Variants in AFF3 observed in about 807,000 individuals in gnomAD.
AFF3 encodes the protein AF4/FMR2 family member 3.
Under a neutral mutation model 129.7 loss-of-function variants are expected in AFF3, and 32 were observed. The observed-to-expected ratio is 0.25, with a 90% CI of 0.19 to 0.33. AFF3 has a LOEUF of 0.33. AFF3 is among the 10% of genes least tolerant of loss of function. The pLI is 1.00. For synonymous variants in AFF3, 644 were observed against 635.4 expected (o/e 1.01, Z -0.20); for missense variants, 1,373 against 1,592.0 (o/e 0.86, Z 2.34).
rs975931893 is a variant in AFF3 at position 99,597,638 on chromosome 2, C to T, written c.1372-3349G>A. Among the ~76,000 whole-genome samples, 4 of 152,182 alleles carry T rather than the reference C, an allele frequency of 2.6e-5. No individual in the cohort carries two copies. In the South Asian group the frequency reaches 8.3e-4, roughly 31 times the overall value. ...GGTTAGGCAGAGCATGATTATCTGC[C>T]ATTCTGGAAATGAGGCAATTGTGGC... is the stretch of plus-strand genomic sequence containing the variant. On this transcript the variant is annotated intron_variant, in intron 14 of 24. Transcript: ENST00000672756.
intron 7 of AFF3, among the ~76,000 whole-genome samples, chr2:99,939,506 C>T (rs1674831178): frequency 6.6e-6 from 1 of 152,166 alleles, no homozygotes; most frequent in Non-Finnish European, 1.5e-5. Flanking sequence ...AGCTCCTCTC[C>T]TACAGAAGAG....
chr2:99,897,847 GA>G (rs994842190), intron 7 of AFF3, among the ~76,000 whole-genome samples: 2 of 152,156 alleles, frequency 1.3e-5, no homozygotes, highest in East Asian at 1.9e-4. Flanking sequence ...ATACGTAGTT[GA>G]AAAAAAGATG....
chr2:99,775,548 C>T (rs1683828945), intron 8 of AFF3, among the ~76,000 whole-genome samples: 1 of 151,984 alleles, frequency 6.6e-6, no homozygotes, highest in Non-Finnish European at 1.5e-5. Context: ...CACAGTGGGG[C>T]CTGTCAGAGG....
intron 12 of AFF3, among the ~76,000 whole-genome samples, chr2:99,668,332 C>A (rs1686861662): frequency 6.6e-6 from 1 of 151,840 alleles, no homozygotes; most frequent in Non-Finnish European, 1.5e-5. Context: ...CCACTATGCC[C>A]AACTAATTTT....
intron 7 of AFF3, among the ~76,000 whole-genome samples, chr2:99,848,815 T>C (rs1264540777): frequency 6.6e-6 from 1 of 152,214 alleles, no homozygotes; most frequent in Non-Finnish European, 1.5e-5. Flanking sequence ...CTCTCCAACA[T>C]AATCACGCTA....
At chr2:99,748,652 T>C (rs916811057) in intron 9 of AFF3, among the ~76,000 whole-genome samples, 2 of 152,228 alleles carry the variant, frequency 1.3e-5, no homozygotes, top group Non-Finnish European at 2.9e-5. Flanking sequence ...TACCCTGTGC[T>C]TTGAAACCTT....
intron 8 of AFF3, among the ~76,000 whole-genome samples, chr2:99,827,846 C>T (rs949485967): frequency 3.3e-5 from 5 of 151,952 alleles, no homozygotes; most frequent in African/African-American, 1.2e-4. Context: ...CACCCTTGTA[C>T]CCCCAGCGCC....
At chr2:99,592,938 C>CT (rs1298777853) in intron 15 of AFF3, among the ~76,000 whole-genome samples, 6 of 89,208 alleles carry the variant, frequency 6.7e-5, no homozygotes, top group Non-Finnish European at 1.2e-4. Context: ...TCCCTCCCCC[C>CT]CCCCCAAAAA....
chr2:99,970,693 C>T (rs556813493), intron 7 of AFF3, among the ~76,000 whole-genome samples: 2 of 152,298 alleles, frequency 1.3e-5, no homozygotes, highest in South Asian at 2.1e-4. Flanking sequence ...CCTCCCTTTC[C>T]TATTGGGGTC....
At chr2:99,615,321 C>A (rs1681311040) in intron 13 of AFF3, among the ~76,000 whole-genome samples, 1 of 152,240 alleles carries the variant, frequency 6.6e-6, no homozygotes, top group South Asian at 2.1e-4. Flanking sequence ...CTGCACCACA[C>A]AGCTTGGCAA....
intron 8 of AFF3, among the ~76,000 whole-genome samples, chr2:99,758,135 C>T (rs1397508131): frequency 2.0e-5 from 3 of 152,212 alleles, no homozygotes; most frequent in Admixed American, 6.5e-5. Flanking sequence ...CTTTCTGTTA[C>T]CTGAACTGCC....
chr2:99,867,400 G>A (rs2105942226), intron 7 of AFF3, among the ~76,000 whole-genome samples: 1 of 152,158 alleles, frequency 6.6e-6, no homozygotes, highest in South Asian at 2.1e-4. Context: ...CTGACAGGAG[G>A]ACAAGCTGAG....
rs1200582552 is a variant in AFF3 at position 99,746,070 on chromosome 2, C to T, written c.1003-1930G>A. On this transcript the variant is annotated intron_variant, in intron 9 of 24. Coordinates refer to ENST00000672756, the MANE Select transcript of AFF3 (RefSeq NM_001386135.1). ...TACACTAAACTCTCAGACTTCACCA[C>T]TATATAATTTATCCATGTAACCAAA... Among the ~76,000 whole-genome samples the T allele has an allele frequency of 2.0e-5, 3 of 151,236 alleles. No individual in the cohort carries two copies. In the East Asian group the frequency reaches 5.8e-4, roughly 29 times the overall value.
At chr2:99,577,450 T>A (rs1158390234) in intron 18 of AFF3, among the ~76,000 whole-genome samples, 2 of 152,128 alleles carry the variant, frequency 1.3e-5, no homozygotes, top group East Asian at 3.9e-4. Context: ...TGTAGAGCCA[T>A]TTTATTTTCC....
intron 7 of AFF3, among the ~76,000 whole-genome samples, chr2:99,955,805 A>G (rs1300227656): frequency 6.6e-6 from 1 of 152,234 alleles, no homozygotes; most frequent in Non-Finnish European, 1.5e-5. Flanking sequence ...TATGGGAAGC[A>G]TAATGTCTTT....
intron 2 of AFF3, among the ~76,000 whole-genome samples, chr2:100,119,895 A>G (rs1364611257): frequency 6.6e-6 from 1 of 152,238 alleles, no homozygotes; most frequent in African/African-American, 2.4e-5. Context: ...ACAGTGAATA[A>G]GTCTGTAGTT....
At chr2:99,981,302 G>A (rs1397912312) in intron 7 of AFF3, among the ~76,000 whole-genome samples, 1 of 152,174 alleles carries the variant, frequency 6.6e-6, no homozygotes, top group Non-Finnish European at 1.5e-5. Flanking sequence ...ACAGGCATGA[G>A]CCACCGTGCC....
intron 11 of AFF3, among the ~76,000 whole-genome samples, chr2:99,697,969 T>C (rs1676460963): frequency 6.6e-6 from 1 of 152,236 alleles, no homozygotes; most frequent in Admixed American, 6.5e-5. Context: ...TCATTTATGA[T>C]GCTCTATGTT....
At chr2:100,106,816 G>A (rs958249798) in intron 2 of AFF3, 1 of 985,466 alleles carries the variant, frequency 1.0e-6, no homozygotes, top group Admixed American at 6.1e-5. Context: ...CTGGAGCTCA[G>A]ATACAGATTT....
Sources: gnomAD v4.1 joint callset for allele counts (sites outside exome capture counted in the v4.1 genomes callset) on GRCh38, gnomAD v4.1.1 for gene constraint, MANE v1.5 for transcripts, NCBI Gene and HGNC (gene_info 2026-07-23, HGNC 2026-07-21) for gene names.